Variants in AURKA observed in about 807,000 individuals in gnomAD.
AURKA encodes aurora kinase A.
Under a neutral mutation model 40.9 loss-of-function variants are expected in AURKA, and 12 were observed. The ratio of observed to expected loss-of-function variants is 0.29; its 90% CI spans 0.19 to 0.48. The LOEUF (loss-of-function observed/expected upper bound fraction) is 0.48, where lower values mean the gene tolerates loss of function less well. AURKA is among the 20% of genes least tolerant of loss of function. The probability of loss-of-function intolerance (pLI) is 0.99; values close to 1 mark genes in which losing one functional copy is unlikely to be tolerated. For synonymous variants in AURKA, 170 were observed against 164.3 expected (o/e 1.03, Z -0.26); for missense variants, 322 against 462.1 (o/e 0.70, Z 2.78).
intron 6 of AURKA, among the ~76,000 whole-genome samples, chr20:56,379,041 A>C (rs1422368202): frequency 6.6e-6 from 1 of 152,232 alleles, no homozygotes; most frequent in Non-Finnish European, 1.5e-5. Flanking sequence ...ATGAAAATGT[A>C]AATGATTCCA....
chr20:56,372,299 TC>T (rs1347235267), intron 7 of AURKA, among the ~76,000 whole-genome samples: 1 of 152,188 alleles, frequency 6.6e-6, no homozygotes, highest in East Asian at 1.9e-4. Context: ...ACGGACTGAA[TC>T]GGGGGTTCTC....
chr20:56,378,668 T>C (rs1426498093), intron 6 of AURKA, among the ~76,000 whole-genome samples: 1 of 152,164 alleles, frequency 6.6e-6, no homozygotes, highest in Non-Finnish European at 1.5e-5. Flanking sequence ...GGTACTTCCA[T>C]ATAATGAAAT....
In AURKA at chr20:56,384,269, CT is replaced by C; in HGVS notation, c.374del (p.Lys125ArgfsTer58). The C allele has an allele frequency of 6.3e-7, 1 of 1,595,576 alleles. No homozygotes were observed. Among genetic ancestry groups the C allele is most frequent in the Non-Finnish European group, 8.6e-7 (1 of 1,164,664 alleles). On this transcript the variant is annotated frameshift_variant and splice_region_variant, in exon 4 of 9. Transcript: ENST00000395915. LOFTEE classifies it high-confidence loss of function. ...ASKQKNEESK[K>X]RQWALEDFEI... ...AGAACTTTGTAAATAAGAAAGCTTA[CT>C]TTTTTGATTCTTCATTTTTCTGTTT...
chr20:56,384,365 T>A, intron 3 of AURKA, 41 bp from the exon 4 acceptor site: 2 of 1,453,306 alleles, frequency 1.4e-6, no homozygotes, highest in Non-Finnish European at 1.9e-6. Flanking sequence ...AGAATAACTA[T>A]ATAGGATAAG....
intron 2 of AURKA, among the ~76,000 whole-genome samples, chr20:56,387,818 A>G (rs1043503979): frequency 6.6e-6 from 1 of 152,218 alleles, no homozygotes; most frequent in Admixed American, 6.5e-5. Context: ...CTTAGAATCA[A>G]ATACAGTAAT....
intron 5 of AURKA, among the ~76,000 whole-genome samples, chr20:56,382,640 G>A (rs1198190524): frequency 6.6e-6 from 1 of 151,550 alleles, no homozygotes; most frequent in Admixed American, 6.6e-5. Context: ...GAGCACTTAA[G>A]TGCTCTTTGA....
chr20:56,388,023 G>A, intron 2 of AURKA, 133 bp downstream of exon 2: 1 of 109,518 alleles, frequency 9.1e-6, no homozygotes. Context: ...CGAGAAAAGT[G>A]ACTAATTCAT....
intron 6 of AURKA, among the ~76,000 whole-genome samples, chr20:56,375,343 C>T (rs536433661): frequency 5.3e-5 from 8 of 149,550 alleles, no homozygotes; most frequent in African/African-American, 1.7e-4. Flanking sequence ...GACAGTCTCC[C>T]CATGTTGCCT....
intron 5 of AURKA, among the ~76,000 whole-genome samples, chr20:56,382,418 T>C (rs1985834865): frequency 6.6e-6 from 1 of 152,016 alleles, no homozygotes; most frequent in African/African-American, 2.4e-5. Context: ...CTTGAAGTAT[T>C]AGCATCTGAT....
At chr20:56,372,036 C>T (rs375134770) in intron 7 of AURKA, among the ~76,000 whole-genome samples, 6 of 152,156 alleles carry the variant, frequency 3.9e-5, no homozygotes, top group Non-Finnish European at 1.5e-5. Context: ...GCATTTTTAT[C>T]GGTTTAGGTT....
Position 56,383,625 on chromosome 20 carries a change from GAGAC to G in AURKA, c.375-453_375-450del, listed in dbSNP as rs1986009680. Reference sequence around the variant, plus strand: ...TGGGTGGAGAACCACTCTGGTGGTGGAGACAGAGCCACTGTTACTAATGGAAGCG... The same window carrying G: ...TGGGTGGAGAACCACTCTGGTGGTGGAGAGCCACTGTTACTAATGGAAGCG... On this transcript the variant is annotated intron_variant, in intron 4 of 8. Coordinates refer to ENST00000395915, the MANE Select transcript of AURKA (RefSeq NM_198437.3). 2.0e-5 allele frequency among the ~76,000 whole-genome samples: 3 copies of G among 152,366 alleles called. No individual in the cohort carries two copies. In the South Asian group the frequency reaches 6.2e-4, roughly 32 times the overall value.
In AURKA at chr20:56,392,192, C is replaced by G. The variant is rs904870275; in HGVS notation, c.-30G>C. The G allele has an allele frequency of 1.3e-5, 2 of 152,304 alleles. No individual in the cohort carries two copies. The highest frequency in any genetic ancestry group is 2.9e-5 in the Non-Finnish European group (2 of 68,090). The allele number at this position is 152,304 out of a possible 1,614,324, so 9.4% of individuals were successfully genotyped here. ...CCTGCGACCCAAGGACCCAAGTCTT[C>G]CAAGAGCTCAGCCGTTAGAATTCAA... On this transcript the variant is annotated 5_prime_UTR_variant, in exon 1 of 9. Coordinates refer to ENST00000395915, the MANE Select transcript of AURKA (RefSeq NM_198437.3).
At chr20:56,376,174 C>T (rs1984895171) in intron 6 of AURKA, among the ~76,000 whole-genome samples, 1 of 152,032 alleles carries the variant, frequency 6.6e-6, no homozygotes, top group Non-Finnish European at 1.5e-5. Context: ...TGACCTGAAA[C>T]AACAAACTAC....
intron 6 of AURKA, among the ~76,000 whole-genome samples, chr20:56,376,626 C>T (rs1329923351): frequency 6.6e-6 from 1 of 152,064 alleles, no homozygotes; most frequent in East Asian, 1.9e-4. Flanking sequence ...AAGTAACCAC[C>T]ATTCAACATG....
Position 56,376,457 on chromosome 20 carries a change from C to G in AURKA, c.706-2901G>C, listed in dbSNP as rs142569542. On this transcript the variant is annotated intron_variant, in intron 6 of 8. Coordinates refer to ENST00000395915, the MANE Select transcript of AURKA (RefSeq NM_198437.3). ...TCTTTAAAACAGCATGTCATTGTTGCAGAGACAAGACCAAAGAGCCATTTG... is the reference window on the plus strand; with the variant it reads ...TCTTTAAAACAGCATGTCATTGTTGGAGAGACAAGACCAAAGAGCCATTTG... 2.6e-5 allele frequency among the ~76,000 whole-genome samples: 4 copies of G among 152,198 alleles called. No individual in the cohort carries two copies. In the East Asian group the frequency reaches 7.7e-4, roughly 29 times the overall value.
intron 1 of AURKA, among the ~76,000 whole-genome samples, chr20:56,389,130 G>C (rs115001559): frequency 1.9e-4 from 29 of 152,232 alleles, no homozygotes; most frequent in African/African-American, 7.0e-4. Context: ...CTACCACCTA[G>C]TCGTCCTGTC....
Position 56,372,207 on chromosome 20 carries a change from CACAA to C in AURKA, c.854+1197_854+1200del, listed in dbSNP as rs369582475. On this transcript the variant is annotated intron_variant, in intron 7 of 8. Coordinates refer to ENST00000395915, the MANE Select transcript of AURKA (RefSeq NM_198437.3). ...AGCCAGGCCTGGCACCCACTGAGCA[CACAA>C]ACAGTCACTCACCACTGAATTGTGA... Among the ~76,000 whole-genome samples, 130 of 152,298 alleles carry C rather than the reference CACAA, an allele frequency of 8.5e-4. 1 individual carries two copies. In the East Asian group the frequency reaches 9.5e-3, roughly 11 times the overall value.
At chr20:56,380,408 C>A (rs2146178020) in intron 6 of AURKA, among the ~76,000 whole-genome samples, 1 of 149,888 alleles carries the variant, frequency 6.7e-6, no homozygotes, top group African/African-American at 2.4e-5. Context: ...GCCAAAGTTG[C>A]AATGATCTGA....
chr20:56,381,374 G>A, intron 6 of AURKA, 59 bp downstream of exon 6: 1 of 1,595,558 alleles, frequency 6.3e-7, no homozygotes, highest in East Asian at 2.2e-5. Flanking sequence ...AAGGTACATT[G>A]CTATGGAGGA....
Sources: gnomAD v4.1 joint callset for allele counts (sites outside exome capture counted in the v4.1 genomes callset) on GRCh38, gnomAD v4.1.1 for gene constraint, MANE v1.5 for transcripts, NCBI Gene and HGNC (gene_info 2026-07-23, HGNC 2026-07-21) for gene names.